The following PAN3 variants were observed in gnomAD, a reference collection of about 807,000 sequenced individuals.
PAN3 encodes PAN2-PAN3 deadenylation complex subunit PAN3.
In PAN3, 19 loss-of-function variants were observed where a neutral mutation model predicts 96.2. That is an observed-to-expected ratio of 0.20 (90% CI 0.14 to 0.29). The LOEUF is 0.29. Among genes scored for constraint, PAN3 ranks in the 10% least tolerant of loss-of-function variants. The probability of loss-of-function intolerance (pLI) is 1.00; values close to 1 mark genes in which losing one functional copy is unlikely to be tolerated. For synonymous variants in PAN3, 433 were observed against 406.6 expected, an observed-to-expected ratio of 1.06 and a Z score of -0.78; for missense variants, 882 against 1,108.1, an observed-to-expected ratio of 0.80 and a Z score of 2.90.
intron 6 of PAN3, among the ~76,000 whole-genome samples, chr13:28,227,333 C>T (rs1593514524): frequency 1.3e-5 from 2 of 152,136 alleles, no homozygotes; most frequent in African/African-American, 4.8e-5. Flanking sequence ...AAGAGTTCCT[C>T]TTGTGAACTT....
At chr13:28,190,224 C>G (rs1055751087) in intron 4 of PAN3, among the ~76,000 whole-genome samples, 1 of 152,178 alleles carries the variant, frequency 6.6e-6, no homozygotes, top group African/African-American at 2.4e-5. Context: ...GGATTACAGA[C>G]GTGAGCCACC....
chr13:28,294,541 C>T lies in PAN3; in HGVS notation c.*2019C>T, dbSNP rs1870116052. 6.6e-6 allele frequency: 1 copy of T among 152,494 alleles called. No homozygotes were observed. Among genetic ancestry groups the T allele is most frequent in the South Asian group, 2.1e-4 (1 of 4,820 alleles). 9.4% of individuals were successfully genotyped at this position (152,494 alleles called of 1,614,324 possible). A position where few individuals can be genotyped will look rare whatever the true frequency, so the allele number is the denominator to read the frequency against. The stretch of plus-strand genomic sequence containing the variant: ...CTATTTTAGTTTTGGGGTCTGGGAA[C>T]TTTTTGAAAATTTAATTTGTGGACC... On this transcript the variant is annotated 3_prime_UTR_variant, in exon 19 of 19. Coordinates refer to ENST00000380958, the MANE Select transcript of PAN3 (RefSeq NM_175854.8).
At chr13:28,197,426 G>T (rs1216358318) in intron 5 of PAN3, 80 bp downstream of exon 5, 1 of 1,371,640 alleles carries the variant, frequency 7.3e-7, no homozygotes, top group Non-Finnish European at 9.9e-7. Flanking sequence ...TGGTGGTTGT[G>T]AAAGGATTGG....
At chr13:28,243,727 C>T (rs1292442993) in intron 6 of PAN3, among the ~76,000 whole-genome samples, 4 of 152,070 alleles carry the variant, frequency 2.6e-5, no homozygotes, top group African/African-American at 7.2e-5. Context: ...GTTGCTCTGT[C>T]ATCCAGGCTG....
chr13:28,194,466 A>ATATATATATATTTTTTTT (rs1429166016), intron 4 of PAN3, among the ~76,000 whole-genome samples: 2 of 122,132 alleles, frequency 1.6e-5, no homozygotes, highest in African/African-American at 7.2e-5. Flanking sequence ...ATATATATAT[A>ATATATATATATTTTTTTT]TTTTTTTTTT....
intron 1 of PAN3, among the ~76,000 whole-genome samples, chr13:28,151,928 A>G (rs1270555883): frequency 1.3e-5 from 2 of 152,194 alleles, no homozygotes; most frequent in South Asian, 4.1e-4. Context: ...AGGACTGGAG[A>G]TGATAAACTT....
rs183753541 is a variant in PAN3, at chr13:28,243,248, C to G, written c.1001-13044C>G. Among the ~76,000 whole-genome samples, 30 of 152,290 alleles carry G rather than the reference C, an allele frequency of 2.0e-4. No individual in the cohort carries two copies. The South Asian group carries it at 3.3e-3, about 17-fold the overall frequency. On this transcript the variant is annotated intron_variant, in intron 6 of 18. Coordinates refer to ENST00000380958, the MANE Select transcript of PAN3 (RefSeq NM_175854.8). Reference sequence around the variant, plus strand: ...TTCCCTATTTAGGATGATCTTCACTCTGGAATCTCAGATGCACTTGATTTG... The same window carrying G: ...TTCCCTATTTAGGATGATCTTCACTGTGGAATCTCAGATGCACTTGATTTG...
chr13:28,259,319 T>G (rs1450385469), intron 7 of PAN3, among the ~76,000 whole-genome samples: 1 of 151,486 alleles, frequency 6.6e-6, no homozygotes, highest in Non-Finnish European at 1.5e-5. Context: ...GTTGTTTTTT[T>G]TTTTGAGATG....
At chr13:28,170,247 C>T (rs1874130834) in intron 1 of PAN3, among the ~76,000 whole-genome samples, 1 of 151,956 alleles carries the variant, frequency 6.6e-6, no homozygotes, top group African/African-American at 2.4e-5. Flanking sequence ...AAAATAACTA[C>T]CAGAAATTTG....
chr13:28,215,646 T>A, intron 5 of PAN3: 1 of 1,340,290 alleles, frequency 7.5e-7, no homozygotes, highest in Non-Finnish European at 1.0e-6. Flanking sequence ...GGTAAAGATT[T>A]ATTGCCATTT....
chr13:28,292,247 A>G, intron 18 of PAN3, 135 bp from the exon 19 acceptor site: 1 of 855,382 alleles, frequency 1.2e-6, no homozygotes, highest in Non-Finnish European at 1.7e-6. Flanking sequence ...GATGAATGAT[A>G]TAAATGTACT....
At chr13:28,152,567 A>G (rs2137976562) in intron 1 of PAN3, among the ~76,000 whole-genome samples, 1 of 152,170 alleles carries the variant, frequency 6.6e-6, no homozygotes, top group South Asian at 2.1e-4. Flanking sequence ...TTGGGCAACA[A>G]GAGTGAAACT....
At chr13:28,287,340 T>A (rs1869115347) in intron 17 of PAN3, among the ~76,000 whole-genome samples, 1 of 152,226 alleles carries the variant, frequency 6.6e-6, no homozygotes, top group South Asian at 2.1e-4. Context: ...CGACTTTAAA[T>A]GATACAGAAA....
intron 2 of PAN3, among the ~76,000 whole-genome samples, chr13:28,174,987 T>C (rs1186419342): frequency 6.6e-6 from 1 of 152,194 alleles, no homozygotes; most frequent in Non-Finnish European, 1.5e-5. Flanking sequence ...TTTTTGGCTC[T>C]TTTTTTCCCC....
chr13:28,172,891 C>CA (rs746592985), intron 1 of PAN3, among the ~76,000 whole-genome samples: 2 of 152,068 alleles, frequency 1.3e-5, no homozygotes, highest in Non-Finnish European at 2.9e-5. Flanking sequence ...ATCGTCTCTA[C>CA]AAAAACAAAA....
intron 6 of PAN3, among the ~76,000 whole-genome samples, chr13:28,226,397 A>G (rs1035666787): frequency 2.6e-5 from 4 of 152,162 alleles, no homozygotes; most frequent in Non-Finnish European, 5.9e-5. Flanking sequence ...TCTAAATTGA[A>G]TTCTTCAAAT....
chr13:28,146,308 C>G (rs914834387), intron 1 of PAN3, among the ~76,000 whole-genome samples: 1 of 151,000 alleles, frequency 6.6e-6, no homozygotes, highest in East Asian at 1.9e-4. Context: ...CTGTCTCTCT[C>G]TCTCTCTCTC....
chr13:28,258,111 C>G (rs1256431585), intron 7 of PAN3, among the ~76,000 whole-genome samples: 1 of 152,010 alleles, frequency 6.6e-6, no homozygotes. Flanking sequence ...AGCCACCATG[C>G]CCAGCCTAAA....
intron 9 of PAN3, among the ~76,000 whole-genome samples, chr13:28,265,028 G>C (rs1254446435): frequency 6.6e-6 from 1 of 152,150 alleles, no homozygotes; most frequent in Non-Finnish European, 1.5e-5. Flanking sequence ...TTAGTACATA[G>C]TAGATGCTCA....
Sources: gnomAD v4.1 joint callset for allele counts (sites outside exome capture counted in the v4.1 genomes callset) on GRCh38, gnomAD v4.1.1 for gene constraint, MANE v1.5 for transcripts, NCBI Gene and HGNC (gene_info 2026-07-23, HGNC 2026-07-21) for gene names.